GSN: variants seen among roughly 807,000 people sequenced by gnomAD.
The protein encoded by GSN is actin-depolymerizing factor.
In GSN, 56 loss-of-function variants were observed where a neutral mutation model predicts 85.7. The observed-to-expected ratio is 0.65, with a 90% CI of 0.53 to 0.82. GSN has a LOEUF of 0.82. GSN is among the 40% of genes least tolerant of loss of function. The probability of loss-of-function intolerance (pLI) is 0.00; values close to 1 mark genes in which losing one functional copy is unlikely to be tolerated. For synonymous variants in GSN, 373 were observed against 399.1 expected (o/e 0.93, Z 0.78); for missense variants, 857 against 979.8 (o/e 0.87, Z 1.67).
rs143628574 is a variant in GSN, at chr9:121,310,752, G to A, written c.420G>A (p.Gln140=). The A allele has an allele frequency of 2.5e-6, 4 of 1,614,140 alleles. No individual in the cohort carries two copies. The highest frequency in any genetic ancestry group is 3.4e-6 in the Non-Finnish European group (4 of 1,179,998). The change falls in exon 5 of 18, where the codon CAG becomes CAA. Residue 140 remains glutamine, a synonymous_variant. Coordinates refer to ENST00000432226, the MANE Select transcript of GSN (RefSeq NM_198252.3). Reference sequence around the variant, plus strand: ...AGGTGGTGGTGCAGAGACTCTTCCAGGTCAAAGGGCGGCGTGTGGTCCGTG... The same window carrying A: ...AGGTGGTGGTGCAGAGACTCTTCCAAGTCAAAGGGCGGCGTGTGGTCCGTG... The part of the protein sequence containing the change: ...PNEVVVQRLF[Q]VKGRRVVRAT...
At position 121,314,025 on chromosome 9, in the gene GSN, T is replaced by A. The variant is rs1235174043; in HGVS notation, c.753+2T>A. The stretch of plus-strand genomic sequence containing the variant: ...CGCAAGCTGGCCAAGCTCTACAAGG[T>A]GAGCACCAGATGCACTGTCTGCCTG... On this transcript the variant is annotated splice_donor_variant, in intron 7 of 17. Transcript: ENST00000432226. LOFTEE classifies it high-confidence loss of function. 1.1e-5 allele frequency: 18 copies of A among 1,609,584 alleles called. No homozygotes were observed. The highest frequency in any genetic ancestry group is 1.5e-5 in the Non-Finnish European group (18 of 1,175,794).
intron 2 of GSN, chr9:121,282,463 A>T (rs1003086437): frequency 7.1e-6 from 9 of 1,275,668 alleles, no homozygotes; most frequent in African/African-American, 1.5e-5. Context: ...TGAATACAGG[A>T]CTTACGCGTC....
At chr9:121,283,204 T>C (rs1362281941) in intron 2 of GSN, 1 of 166,958 alleles carries the variant, frequency 6.0e-6, no homozygotes, top group Non-Finnish European at 1.5e-5. Context: ...GTTTTTTCAG[T>C]TAGGGCCCCT....
intron 7 of GSN, 56 bp downstream of exon 7, chr9:121,314,079 G>T: frequency 7.3e-7 from 1 of 1,366,172 alleles, no homozygotes; most frequent in South Asian, 1.2e-5. Flanking sequence ...GGAGGTGGAA[G>T]ACTTGGTCTT....
rs1359549617 is a variant in GSN at position 121,318,058 on chromosome 9, C to T, written c.887-348C>T. 2.6e-5 allele frequency among the ~76,000 whole-genome samples: 4 copies of T among 152,220 alleles called. No individual in the cohort carries two copies. The highest frequency in any genetic ancestry group is 9.6e-5 in the African/African-American group (4 of 41,466). ...TAACCTAGGTCAAGTAATTTAATCT[C>T]TCTAAGACCCTAGCTTCCTTATAGA... On this transcript the variant is annotated intron_variant, in intron 8 of 17. Coordinates refer to ENST00000432226, the MANE Select transcript of GSN (RefSeq NM_198252.3). This position sits in a 1 kb window ranked among gnomAD's most constrained non-coding sequence, Gnocchi z 4.3.
intron 6 of GSN, among the ~76,000 whole-genome samples, chr9:121,256,020 G>C (rs1273683117): frequency 1.3e-5 from 2 of 152,138 alleles, no homozygotes; most frequent in Non-Finnish European, 2.9e-5. Flanking sequence ...AGGACTTAGA[G>C]ATACCTATGA....
intron 12 of GSN, among the ~76,000 whole-genome samples, chr9:121,325,851 G>C (rs898722313): frequency 2.6e-5 from 4 of 152,108 alleles, no homozygotes; most frequent in African/African-American, 7.2e-5. Flanking sequence ...ACGTGCCCAA[G>C]TTCTCACCAT....
chr9:121,280,141 G>A (rs1263931056), intron 1 of GSN: 3 of 152,226 alleles, frequency 2.0e-5, no homozygotes, highest in Non-Finnish European at 2.9e-5. Context: ...CTCTCCCCTC[G>A]GCTTAGGGAA....
chr9:121,294,241 A>G (rs1230291248), intron 2 of GSN, among the ~76,000 whole-genome samples: 2 of 152,152 alleles, frequency 1.3e-5, no homozygotes, highest in African/African-American at 2.4e-5. Context: ...ATCTGCAGCC[A>G]GGCCTCCCTG....
intron 6 of GSN, among the ~76,000 whole-genome samples, chr9:121,262,407 C>T (rs1041223366): frequency 6.6e-6 from 1 of 152,166 alleles, no homozygotes; most frequent in African/African-American, 2.4e-5. Context: ...GGGCAATTGT[C>T]AAGCTTAATT....
chr9:121,219,859 T>C (rs1040054027), intron 4 of GSN, among the ~76,000 whole-genome samples: 2 of 152,026 alleles, frequency 1.3e-5, no homozygotes, highest in African/African-American at 2.4e-5. Context: ...TAAGTATACC[T>C]ACACTCCCCT....
In GSN at chr9:121,329,086, A is replaced by C; in HGVS notation, c.1887+71A>C. ...GAGTTCCACAGGACTGGCCGGCAGC[A>C]GGGGCAGGAGAAACAGTTCTGATGG... On this transcript the variant is annotated intron_variant, in intron 15 of 17. Coordinates refer to ENST00000432226, the MANE Select transcript of GSN (RefSeq NM_198252.3). This position sits in a 1 kb window ranked among gnomAD's most constrained non-coding sequence, Gnocchi z 4.6. The C allele has an allele frequency of 6.3e-7, 1 of 1,589,272 alleles. No homozygotes were observed. Among genetic ancestry groups the C allele is most frequent in the Non-Finnish European group, 8.6e-7 (1 of 1,164,942 alleles).
chr9:121,299,771 C>T lies in GSN; in HGVS notation c.-9-2192C>T. 8.3e-7 allele frequency: 1 copy of T among 1,209,314 alleles called. No individual in the cohort carries two copies. Among genetic ancestry groups the T allele is most frequent in the Non-Finnish European group, 1.0e-6 (1 of 964,668 alleles). 74.9% of individuals were successfully genotyped at this position (1,209,314 alleles called of 1,614,324 possible). A position where few individuals can be genotyped will look rare whatever the true frequency, so the allele number is the denominator to read the frequency against. The stretch of plus-strand genomic sequence containing the variant: ...CCCCGCGCCCTCCCTGGGGGGCGGT[C>T]CCCGGCTTGGGCGGGATGGGCGGGC... On this transcript the variant is annotated intron_variant, in intron 2 of 17. Coordinates refer to ENST00000432226, the MANE Select transcript of GSN (RefSeq NM_198252.3). This position sits in a 1 kb window ranked among gnomAD's most constrained non-coding sequence, Gnocchi z 4.2.
intron 10 of GSN, among the ~76,000 whole-genome samples, chr9:121,320,716 A>G (rs1396311202): frequency 1.3e-5 from 2 of 152,068 alleles, no homozygotes; most frequent in African/African-American, 4.8e-5. Context: ...GGTAATGGTG[A>G]TATTAGTAAG....
intron 2 of GSN, among the ~76,000 whole-genome samples, chr9:121,298,057 C>T (rs1304847441): frequency 6.6e-6 from 1 of 152,138 alleles, no homozygotes; most frequent in African/African-American, 2.4e-5. Flanking sequence ...TGGGCAGGCC[C>T]AGGCCTGGAC....
intron 7 of GSN, 146 bp from the exon 8 acceptor site, chr9:121,316,940 A>G (rs958953514): frequency 3.0e-6 from 3 of 1,002,066 alleles, no homozygotes; most frequent in African/African-American, 3.2e-5. Flanking sequence ...GAAAACGAAA[A>G]AGAACCTCTA....
At chr9:121,327,273 T>A in intron 13 of GSN, 35 bp from the exon 14 acceptor site, 1 of 1,589,448 alleles carries the variant, frequency 6.3e-7, no homozygotes, top group Non-Finnish European at 8.6e-7. Flanking sequence ...GGGCTTTTTG[T>A]CTGGTTCCTG....
chr9:121,265,122 T>C (rs907610109), upstream of GSN: 1 of 152,252 alleles, frequency 6.6e-6, no homozygotes, highest in Admixed American at 6.5e-5. Context: ...TAATCCCTTG[T>C]ATGAAATCCC....
chr9:121,332,452 C>T lies in GSN; in HGVS notation c.2045C>T (p.Thr682Met), dbSNP rs142854368. 5.5e-5 allele frequency: 89 copies of T among 1,613,938 alleles called. No individual in the cohort carries two copies. The highest frequency in any genetic ancestry group is 3.8e-5 in the Non-Finnish European group (45 of 1,179,926). Residue 682 changes from threonine to methionine, a missense_variant, in exon 18 of 18, where the codon ACG (threonine) becomes ATG (methionine). Coordinates refer to ENST00000432226, the MANE Select transcript of GSN (RefSeq NM_198252.3). The surrounding 1 kb of genome is among the most constrained non-coding windows in gnomAD (Gnocchi z 4.8). Reference sequence around the variant, plus strand: ...TCTGCAGCTAAGCGGTACATCGAGACGGACCCAGCCAATCGGGATCGGCGG... The same window carrying T: ...TCTGCAGCTAAGCGGTACATCGAGATGGACCCAGCCAATCGGGATCGGCGG... ...ALTSAKRYIE[T>M]DPANRDRRTP...
Sources: gnomAD v4.1 joint callset for allele counts (sites outside exome capture counted in the v4.1 genomes callset) on GRCh38, gnomAD v4.1.1 for gene constraint, Gnocchi (gnomAD v3.1) non-coding constraint, MANE v1.5 for transcripts, NCBI Gene and HGNC (gene_info 2026-07-23, HGNC 2026-07-21) for gene names.